Variants in TASP1 observed in about 807,000 individuals in gnomAD.
TASP1 encodes the protein threonine aspartase 1.
TASP1 carries 16 observed loss-of-function variants against 56.6 expected under a neutral mutation model. That is an observed-to-expected ratio of 0.28 (90% CI 0.19 to 0.43). The LOEUF (loss-of-function observed/expected upper bound fraction) is 0.43, where lower values mean the gene tolerates loss of function less well. Ranked by LOEUF, TASP1 falls within the 20% of genes least tolerant of loss-of-function variation. The pLI is 1.00. For missense variants in TASP1, 393 were observed against 511.6 expected (o/e 0.77, Z 2.24); for synonymous variants, 179 against 184.2 (o/e 0.97, Z 0.23).
chr20:13,343,085 G>T, the TASP1 span, among the ~76,000 whole-genome samples: 20 of 152,328 alleles, frequency 1.3e-4, no homozygotes, highest in Admixed American at 1.0e-3. Context: ...GTCCTGGCAA[G>T]TAGGGGAAAA....
chr20:13,553,424 G>A (rs2046047744), intron 8 of TASP1, among the ~76,000 whole-genome samples: 1 of 152,108 alleles, frequency 6.6e-6, no homozygotes, highest in Non-Finnish European at 1.5e-5. Flanking sequence ...GAAAAATCCA[G>A]AAGAGACAGG....
intron 10 of TASP1, among the ~76,000 whole-genome samples, chr20:13,511,841 T>C (rs1028037556): frequency 6.7e-6 from 1 of 148,366 alleles, no homozygotes; most frequent in African/African-American, 2.5e-5. Flanking sequence ...CACCTATGAG[T>C]GAGAACATGA....
At chr20:13,498,210 C>T (rs1201591259) in intron 10 of TASP1, among the ~76,000 whole-genome samples, 1 of 152,070 alleles carries the variant, frequency 6.6e-6, no homozygotes, top group Admixed American at 6.6e-5. Flanking sequence ...TATTTGCAAA[C>T]TATGTTTCTG....
At chr20:13,525,196 G>A (rs1198014938) in intron 10 of TASP1, among the ~76,000 whole-genome samples, 2 of 152,112 alleles carry the variant, frequency 1.3e-5, no homozygotes, top group Non-Finnish European at 2.9e-5. Context: ...CCCCTACTCT[G>A]GGACAAGAAA....
At chr20:13,294,310 C>T in the TASP1 span, among the ~76,000 whole-genome samples, 1 of 152,208 alleles carries the variant, frequency 6.6e-6, no homozygotes, top group Non-Finnish European at 1.5e-5. Flanking sequence ...TCCCTCCAAT[C>T]CCTTCACACA....
intron 12 of TASP1, among the ~76,000 whole-genome samples, chr20:13,432,806 A>G (rs2042858875): frequency 6.6e-6 from 1 of 152,180 alleles, no homozygotes; most frequent in African/African-American, 2.4e-5. Flanking sequence ...AAAAATGAAA[A>G]GACAACCAAA....
chr20:13,363,385 C>A, the TASP1 span, among the ~76,000 whole-genome samples: 2 of 152,122 alleles, frequency 1.3e-5, no homozygotes, highest in Non-Finnish European at 2.9e-5. Flanking sequence ...GAGTGTGGTG[C>A]ACCCTAACTC....
chr20:13,451,151 G>C (rs1454269911), intron 11 of TASP1, among the ~76,000 whole-genome samples: 1 of 152,080 alleles, frequency 6.6e-6, no homozygotes, highest in African/African-American at 2.4e-5. Flanking sequence ...AGTAAACTGT[G>C]CTGTAAACAG....
intron 2 of TASP1, 101 bp downstream of exon 2, chr20:13,629,833 T>G (rs184231719): frequency 6.4e-7 from 1 of 1,556,654 alleles, no homozygotes; most frequent in African/African-American, 1.4e-5. Context: ...CTCTGGCAGT[T>G]TTGCCTCCTC....
chr20:13,528,379 T>C (rs1309477891), intron 10 of TASP1, 54 bp downstream of exon 10: 1 of 1,500,258 alleles, frequency 6.7e-7, no homozygotes, highest in Non-Finnish European at 9.2e-7. Flanking sequence ...TTTTAATCAT[T>C]AAATGATTGA....
the TASP1 span, among the ~76,000 whole-genome samples, chr20:13,118,439 G>A: frequency 8.1e-6 from 1 of 123,478 alleles, no homozygotes; most frequent in African/African-American, 3.0e-5. Flanking sequence ...ATATCACCAA[G>A]AGGTTTGTGG....
chr20:13,126,561 T>C, the TASP1 span: 6 of 1,611,778 alleles, frequency 3.7e-6, no homozygotes, highest in Non-Finnish European at 5.1e-6. Context: ...TTTATTTGCC[T>C]TCTTTTTGGG....
At chr20:13,600,681 A>G (rs1056141266) in intron 4 of TASP1, 1 of 152,218 alleles carries the variant, frequency 6.6e-6, no homozygotes, top group Non-Finnish European at 1.5e-5. Flanking sequence ...TCTTACACAG[A>G]AAAACATATA....
the TASP1 span, among the ~76,000 whole-genome samples, chr20:13,268,190 A>C: frequency 1.9e-4 from 22 of 115,330 alleles, no homozygotes; most frequent in African/African-American, 6.3e-4. Context: ...TCTTCTCTTC[A>C]CTTCGCTTCT....
rs551214072 is a variant in TASP1 at position 13,505,618 on chromosome 20, A to C, written c.875-22281T>G. Among the ~76,000 whole-genome samples the C allele has an allele frequency of 3.9e-5, 6 of 152,304 alleles. No homozygotes were observed. In the South Asian group the frequency reaches 1.0e-3, roughly 26 times the overall value. On this transcript the variant is annotated intron_variant, in intron 10 of 13. Coordinates refer to ENST00000337743, the MANE Select transcript of TASP1 (RefSeq NM_017714.3). ...AATAGAAACAGGTGGAAAACTAGAA[A>C]ATTTGCAAATATATGGAAATTAAAT...
At chr20:13,528,549 TATC>T (rs1260662555) in intron 9 of TASP1, 38 bp from the exon 10 acceptor site, 1 of 1,516,494 alleles carries the variant, frequency 6.6e-7, no homozygotes, top group Admixed American at 2.0e-5. Flanking sequence ...ATTTCAGAAA[TATC>T]ATATGTAATT....
the TASP1 span, among the ~76,000 whole-genome samples, chr20:13,108,580 T>C: frequency 1.3e-4 from 20 of 152,202 alleles, no homozygotes; most frequent in African/African-American, 4.6e-4. Context: ...GATTTATCTT[T>C]TTTTTTCACT....
the TASP1 span, among the ~76,000 whole-genome samples, chr20:13,257,578 T>C: frequency 3.9e-5 from 6 of 152,160 alleles, no homozygotes; most frequent in African/African-American, 1.4e-4. Flanking sequence ...CTCGAATCAG[T>C]GATAATCCAT....
chr20:13,278,529 T>C, the TASP1 span, among the ~76,000 whole-genome samples: 2 of 152,228 alleles, frequency 1.3e-5, no homozygotes, highest in East Asian at 1.9e-4. Flanking sequence ...TGAGAGACAG[T>C]GTGGCAAAGT....
Sources: gnomAD v4.1 joint callset for allele counts (sites outside exome capture counted in the v4.1 genomes callset) on GRCh38, gnomAD v4.1.1 for gene constraint, MANE v1.5 for transcripts, NCBI Gene and HGNC (gene_info 2026-07-23, HGNC 2026-07-21) for gene names.